The following OR5H1 variants were observed in gnomAD, a reference collection of about 807,000 sequenced individuals.
The protein encoded by OR5H1 is olfactory receptor 5H1.
For missense variants in OR5H1, 378 were observed against 366.8 expected (o/e 1.03, Z -0.25); for synonymous variants, 124 against 134.4 (o/e 0.92, Z 0.54).
At position 98,134,667 on chromosome 3, in the gene OR5H1, A is replaced by C. The variant is rs1161373822; in HGVS notation, c.*1028A>C. ...GTCATTGATTGTTAACCTTCTTAAC[A>C]CTTCTTGTACTTCAAGTATGTTAAT... On this transcript the variant is annotated 3_prime_UTR_variant, in exon 2 of 2. Transcript: ENST00000641874. 6.6e-6 allele frequency: 1 copy of C among 152,080 alleles called. No homozygotes were observed. Among genetic ancestry groups the C allele is most frequent in the East Asian group, 1.9e-4 (1 of 5,192 alleles). The allele number at this position is 152,080 out of a possible 1,614,324, so 9.4% of individuals were successfully genotyped here.
chr3:98,133,936 T>C lies in OR5H1; in HGVS notation c.*297T>C. The C allele has an allele frequency of 3.5e-6, 1 of 283,580 alleles. No individual in the cohort carries two copies. 17.6% of individuals were successfully genotyped at this position (283,580 alleles called of 1,614,324 possible). ...TGCATTAATTGCTAAAATAGCCTAGTTTATCATATAAGGACTTGAGTATGA... is the reference window on the plus strand; with the variant it reads ...TGCATTAATTGCTAAAATAGCCTAGCTTATCATATAAGGACTTGAGTATGA... On this transcript the variant is annotated 3_prime_UTR_variant, in exon 2 of 2. Transcript: ENST00000641874.
Position 98,131,080 on chromosome 3 carries a change from T to C in OR5H1, c.-19+230T>C, listed in dbSNP as rs538464884. ...ATATTTTGCTATTTTGTTAATCTTA[T>C]TATGATGAGTTTATATAAATTAGGG... On this transcript the variant is annotated intron_variant, in intron 1 of 1. Transcript: ENST00000641874. Among the ~76,000 whole-genome samples, 3 of 152,214 alleles carry C rather than the reference T, an allele frequency of 2.0e-5. No homozygotes were observed. The South Asian group carries it at 6.2e-4, about 32-fold the overall frequency.
In OR5H1 at chr3:98,137,338, C is replaced by G. The variant is rs1178562328; in HGVS notation, c.*3699C>G. Reference sequence around the variant, plus strand: ...TATCAGAAATCTTTACTTGTCAGAGCCTTTTCCGCAAATCTGTTGAGATTA... The same window carrying G: ...TATCAGAAATCTTTACTTGTCAGAGGCTTTTCCGCAAATCTGTTGAGATTA... On this transcript the variant is annotated 3_prime_UTR_variant, in exon 2 of 2. Coordinates refer to ENST00000641874, the MANE Select transcript of OR5H1 (RefSeq NM_001005338.2). The G allele has an allele frequency of 6.6e-6, 1 of 152,126 alleles. No individual in the cohort carries two copies. Among genetic ancestry groups the G allele is most frequent in the African/African-American group, 2.4e-5 (1 of 41,420 alleles). The allele number at this position is 152,126 out of a possible 1,614,324, so 9.4% of individuals were successfully genotyped here.
At position 98,133,055 on chromosome 3, in the gene OR5H1, T is replaced by C; in HGVS notation, c.358T>C (p.Tyr120His). The C allele has an allele frequency of 6.2e-7, 1 of 1,613,658 alleles. No individual in the cohort carries two copies. The highest frequency in any genetic ancestry group is 8.5e-7 in the Non-Finnish European group (1 of 1,179,688). Reference sequence around the variant, plus strand: ...ATGTTTTCTCTTGGCAACGATGGCATATGATCGCTATGTAGCCATATGCAA... The same window carrying C: ...ATGTTTTCTCTTGGCAACGATGGCACATGATCGCTATGTAGCCATATGCAA... ...TECFLLATMA[Y>H]DRYVAICKPL... The change falls in exon 2 of 2, where the codon TAT (tyrosine) becomes CAT (histidine). Residue 120 changes from tyrosine (Y) to histidine (H), a missense_variant. Transcript: ENST00000641874.
At chr3:98,131,043 AT>A (rs1708250532) in intron 1 of OR5H1, among the ~76,000 whole-genome samples, 193 bp downstream of exon 1, 1 of 151,916 alleles carries the variant, frequency 6.6e-6, no homozygotes. Flanking sequence ...ATAAGACTGA[AT>A]TTTTCCTTTA....
Position 98,136,385 on chromosome 3 carries a change from C to T in OR5H1, c.*2746C>T, listed in dbSNP as rs1284182166. On this transcript the variant is annotated 3_prime_UTR_variant, in exon 2 of 2. Coordinates refer to ENST00000641874, the MANE Select transcript of OR5H1 (RefSeq NM_001005338.2). ...CTATAAAGTCACACCAACAACATAC[C>T]ATTAGTTTCACCTGCAACACTGATA... The T allele has an allele frequency of 2.0e-5, 3 of 152,084 alleles. No individual in the cohort carries two copies. The East Asian group carries it at 5.8e-4, about 29-fold the overall frequency. The allele number at this position is 152,084 out of a possible 1,614,324, so 9.4% of individuals were successfully genotyped here.
chr3:98,136,652 G>C lies in OR5H1; in HGVS notation c.*3013G>C, dbSNP rs1336161958. 5 of 149,834 alleles carry C rather than the reference G, an allele frequency of 3.3e-5. No individual in the cohort carries two copies. Among genetic ancestry groups the C allele is most frequent in the African/African-American group, 7.6e-5 (3 of 39,662 alleles). 9.3% of individuals were successfully genotyped at this position (149,834 alleles called of 1,614,324 possible). ...GAAGATGGGAGGTGTTTGGGTCATG[G>C]GGGTCGATCTCTCATGAATGCCTTG... On this transcript the variant is annotated 3_prime_UTR_variant, in exon 2 of 2. Transcript: ENST00000641874.
rs1483150498 is a variant in OR5H1, at chr3:98,136,418, G to A, written c.*2779G>A. On this transcript the variant is annotated 3_prime_UTR_variant, in exon 2 of 2. Transcript: ENST00000641874. ...TCACCTGCAACACTGATACATTTAG[G>A]TAAACTCCCCTGTACTCAAAAAGGT... The A allele has an allele frequency of 6.6e-6, 1 of 152,068 alleles. No homozygotes were observed. The highest frequency in any genetic ancestry group is 1.5e-5 in the Non-Finnish European group (1 of 68,022). The allele number at this position is 152,068 out of a possible 1,614,324, so 9.4% of individuals were successfully genotyped here.
chr3:98,131,451 C>T (rs1708254473), intron 1 of OR5H1, among the ~76,000 whole-genome samples: 1 of 151,468 alleles, frequency 6.6e-6, no homozygotes, highest in South Asian at 2.1e-4. Flanking sequence ...GATCATGTCC[C>T]TTCACTTTAG....
rs1476068987 is a variant in OR5H1 at position 98,136,261 on chromosome 3, A to G, written c.*2622A>G. The G allele has an allele frequency of 6.6e-6, 1 of 152,192 alleles. No homozygotes were observed. Among genetic ancestry groups the G allele is most frequent in the Non-Finnish European group, 1.5e-5 (1 of 68,038 alleles). 9.4% of individuals were successfully genotyped at this position (152,192 alleles called of 1,614,324 possible). ...TTAAGCTTCAAGTGAGTATTTACAT[A>G]AGTGCAAGTTGGAATAGGAATTGAT... On this transcript the variant is annotated 3_prime_UTR_variant, in exon 2 of 2. Coordinates refer to ENST00000641874, the MANE Select transcript of OR5H1 (RefSeq NM_001005338.2).
rs1708307050 is a variant in OR5H1, at chr3:98,135,478, G to GA, written c.*1839_*1840insA. 6.6e-6 allele frequency: 1 copy of GA among 152,144 alleles called. No individual in the cohort carries two copies. The highest frequency in any genetic ancestry group is 2.4e-5 in the African/African-American group (1 of 41,420). The allele number at this position is 152,144 out of a possible 1,614,324, so 9.4% of individuals were successfully genotyped here. On this transcript the variant is annotated 3_prime_UTR_variant, in exon 2 of 2. Coordinates refer to ENST00000641874, the MANE Select transcript of OR5H1 (RefSeq NM_001005338.2). ...TATTGACTAAAACTCAGGCATACTT[G>GA]CACTCTCTGTGGCCAGCACAGCTGG...
chr3:98,133,209 C>G lies in OR5H1; in HGVS notation c.512C>G (p.Ser171Cys). 1.2e-6 allele frequency: 2 copies of G among 1,612,822 alleles called. No homozygotes were observed. Among genetic ancestry groups the G allele is most frequent in the Non-Finnish European group, 1.7e-6 (2 of 1,179,286 alleles). The change falls in exon 2 of 2, where the codon TCC becomes TGC. Residue 171 changes from serine (S) to cysteine (C), a missense_variant. Physicochemically the swap from Ser to Cys is moderately radical, Grantham distance 112 (BLOSUM62 -1). Coordinates refer to ENST00000641874, the MANE Select transcript of OR5H1 (RefSeq NM_001005338.2). Reference sequence around the variant, plus strand: ...TTATTCAGACTAACCTTCTGTAACTCCAACATAGTACATCACATTTACTGT... The same window carrying G: ...TTATTCAGACTAACCTTCTGTAACTGCAACATAGTACATCACATTTACTGT... ...GFLFRLTFCN[S>C]NIVHHIYCDT...
Position 98,133,435 on chromosome 3 carries a change from C to G in OR5H1, c.738C>G (p.Phe246Leu), listed in dbSNP as rs371959466. Residue 246 changes from phenylalanine (F) to leucine (L), a missense_variant, in exon 2 of 2, where the codon TTC becomes TTG. Transcript: ENST00000641874. The part of the protein sequence containing the change: ...KAFSTCGAHL[F>L]SVSLYYGPLL... ...TTTCCACCTGTGGAGCCCATCTCTT[C>G]TCTGTCTCTTTATACTATGGACCCC... The G allele has an allele frequency of 2.2e-5, 36 of 1,613,376 alleles. No homozygotes were observed. The highest frequency in any genetic ancestry group is 3.1e-5 in the Non-Finnish European group (36 of 1,179,652).
rs554941065 is a variant in OR5H1 at position 98,136,514 on chromosome 3, A to G, written c.*2875A>G. The G allele has an allele frequency of 3.3e-5, 5 of 152,194 alleles. No homozygotes were observed. The highest frequency in any genetic ancestry group is 4.8e-5 in the African/African-American group (2 of 41,448). The allele number at this position is 152,194 out of a possible 1,614,324, so 9.4% of individuals were successfully genotyped here. On this transcript the variant is annotated 3_prime_UTR_variant, in exon 2 of 2. Transcript: ENST00000641874. ...TTTCTTCCTCTTTACCAATATGGCT[A>G]GAAAGCTTGTGAGCAGCTATCAGCC...
rs1425016211 is a variant in OR5H1 at position 98,136,071 on chromosome 3, C to T, written c.*2432C>T. On this transcript the variant is annotated 3_prime_UTR_variant, in exon 2 of 2. Transcript: ENST00000641874. ...TAGCGCTTCAGGAATAGGACAGTTT[C>T]TAAGTAGATAATAAAACATCAAAGA... 6.6e-6 allele frequency: 1 copy of T among 152,128 alleles called. No individual in the cohort carries two copies. The highest frequency in any genetic ancestry group is 1.5e-5 in the Non-Finnish European group (1 of 68,016). 9.4% of individuals were successfully genotyped at this position (152,128 alleles called of 1,614,324 possible).
intron 1 of OR5H1, among the ~76,000 whole-genome samples, chr3:98,131,429 T>C (rs10935236): frequency 0.34 from 51,112 of 151,120 alleles, 9,181 homozygotes; most frequent in Admixed American, 0.42. Context: ...GTGTATTTAA[T>C]TGGCCATCCT....
chr3:98,133,830 T>G lies in OR5H1; in HGVS notation c.*191T>G. 1 of 522,448 alleles carries G rather than the reference T, an allele frequency of 1.9e-6. No individual in the cohort carries two copies. Among genetic ancestry groups the G allele is most frequent in the African/African-American group, 1.9e-5 (1 of 52,458 alleles). The allele number at this position is 522,448 out of a possible 1,614,324, so 32.4% of individuals were successfully genotyped here. A position where few individuals can be genotyped will look rare whatever the true frequency, so the allele number is the denominator to read the frequency against. ...AAAAGCATTCAAGAAATTTTCATAC[T>G]GTTCATAATAGAATAATGACTGTAG... is the stretch of plus-strand genomic sequence containing the variant. On this transcript the variant is annotated 3_prime_UTR_variant, in exon 2 of 2. Transcript: ENST00000641874.
At position 98,134,605 on chromosome 3, in the gene OR5H1, A is replaced by C. The variant is rs1448150299; in HGVS notation, c.*966A>C. ...CAGCAAGAGGAAGCAAAAACAAAAA[A>C]ATGAGGTAAGATTTTGGAGATTTTT... On this transcript the variant is annotated 3_prime_UTR_variant, in exon 2 of 2. Coordinates refer to ENST00000641874, the MANE Select transcript of OR5H1 (RefSeq NM_001005338.2). The C allele has an allele frequency of 6.6e-6, 1 of 152,126 alleles. No individual in the cohort carries two copies. Among genetic ancestry groups the C allele is most frequent in the Non-Finnish European group, 1.5e-5 (1 of 67,994 alleles). 9.4% of individuals were successfully genotyped at this position (152,126 alleles called of 1,614,324 possible).
In OR5H1 at chr3:98,133,978, A is replaced by C. The variant is rs1708289722; in HGVS notation, c.*339A>C. On this transcript the variant is annotated 3_prime_UTR_variant, in exon 2 of 2. Coordinates refer to ENST00000641874, the MANE Select transcript of OR5H1 (RefSeq NM_001005338.2). ...TGAGTATGATGGTTTTGATACTAAT[A>C]CTACTGAATTACCTGCGATATCCAT... is the stretch of plus-strand genomic sequence containing the variant. 8.8e-6 allele frequency: 2 copies of C among 226,738 alleles called. No individual in the cohort carries two copies. Among genetic ancestry groups the C allele is most frequent in the Non-Finnish European group, 1.8e-5 (2 of 114,024 alleles). 14.0% of individuals were successfully genotyped at this position (226,738 alleles called of 1,614,324 possible). A position where few individuals can be genotyped will look rare whatever the true frequency, so the allele number is the denominator to read the frequency against.
Sources: gnomAD v4.1 joint callset for allele counts (sites outside exome capture counted in the v4.1 genomes callset) on GRCh38, gnomAD v4.1.1 for gene constraint, MANE v1.5 for transcripts, NCBI Gene and HGNC (gene_info 2026-07-23, HGNC 2026-07-21) for gene names.